Variants in KCTD16 observed in about 807,000 individuals in gnomAD.
KCTD16 encodes the protein potassium channel tetramerization domain containing 16, also known as BTB/POZ domain-containing protein KCTD16.
A neutral mutation model predicts 33.2 loss-of-function variants in KCTD16; 13 were observed. The ratio of observed to expected loss-of-function variants is 0.39; its 90% CI spans 0.25 to 0.62. The LOEUF is 0.62. KCTD16 is among the 20% of genes least tolerant of loss of function. The probability of loss-of-function intolerance (pLI) is 0.50; values close to 1 mark genes in which losing one functional copy is unlikely to be tolerated. For missense variants in KCTD16, 441 were observed against 525.1 expected, an observed-to-expected ratio of 0.84 and a Z score of 1.57; for synonymous variants, 197 against 195.3, an observed-to-expected ratio of 1.01 and a Z score of -0.07.
chr5:144,228,502 A>G (rs1363884366), intron 3 of KCTD16, among the ~76,000 whole-genome samples: 1 of 152,234 alleles, frequency 6.6e-6, no homozygotes, highest in African/African-American at 2.4e-5. Flanking sequence ...GAATCGTAGC[A>G]GAGGAACTAG....
At chr5:144,201,356 A>C (rs1021690972) in intron 2 of KCTD16, among the ~76,000 whole-genome samples, 2 of 152,190 alleles carry the variant, frequency 1.3e-5, no homozygotes, top group Admixed American at 1.3e-4. Flanking sequence ...ATGAATAATA[A>C]ATACATTTAT....
At chr5:144,225,552 T>TTGTGTGTGTGTGTGTG (rs10550980) in intron 3 of KCTD16, among the ~76,000 whole-genome samples, 1 of 138,224 alleles carries the variant, frequency 7.2e-6, no homozygotes, top group African/African-American at 2.6e-5. Flanking sequence ...CAAAAATAAA[T>TTGTGTGTGTGTGTGTG]TGTGTGTGTG....
intron 3 of KCTD16, among the ~76,000 whole-genome samples, chr5:144,316,115 T>C (rs10064022): frequency 0.08 from 12,191 of 152,168 alleles, 1,588 homozygotes; most frequent in African/African-American, 0.27. Flanking sequence ...TAAACTGGGT[T>C]GTTACAACAA....
chr5:144,210,203 TG>T (rs2126793115), intron 3 of KCTD16, among the ~76,000 whole-genome samples: 1 of 152,252 alleles, frequency 6.6e-6, no homozygotes, highest in Admixed American at 6.5e-5. Flanking sequence ...AATTTTCATG[TG>T]GACCTAGAGT....
chr5:144,288,366 TTGTGGGTTCTCCCTGTTAGA>T (rs1008072622), intron 3 of KCTD16, among the ~76,000 whole-genome samples: 2 of 152,078 alleles, frequency 1.3e-5, no homozygotes, highest in African/African-American at 4.8e-5. Context: ...CATCAACGTG[TTGTGGGTTCTCCCTGTTAGA>T]TGAGATGTGG....
At chr5:144,251,692 C>T (rs1219614874) in intron 3 of KCTD16, among the ~76,000 whole-genome samples, 4 of 152,094 alleles carry the variant, frequency 2.6e-5, no homozygotes, top group Non-Finnish European at 5.9e-5. Context: ...TGGAGGTAAC[C>T]GTAAGAATTT....
In KCTD16 at chr5:144,353,324, A is replaced by G. The variant is rs372519491; in HGVS notation, c.833-120336A>G. ...TAGACACGATTTTCCAGGTACATTTATACTATTTCTCTGATCAAGGGAGTG... is the reference window on the plus strand; with the variant it reads ...TAGACACGATTTTCCAGGTACATTTGTACTATTTCTCTGATCAAGGGAGTG... On this transcript the variant is annotated intron_variant, in intron 3 of 3. Coordinates refer to ENST00000512467, the MANE Select transcript of KCTD16 (RefSeq NM_020768.4). Among the ~76,000 whole-genome samples the G allele has an allele frequency of 1.3e-3, 199 of 152,290 alleles. 1 individual carries two copies. Among genetic ancestry groups the G allele is most frequent in the South Asian group, 1.4e-3 (7 of 4,832 alleles).
chr5:144,363,575 A>C (rs568708710), intron 3 of KCTD16, among the ~76,000 whole-genome samples: 4 of 152,116 alleles, frequency 2.6e-5, no homozygotes, highest in African/African-American at 9.6e-5. Flanking sequence ...GGATATGAAT[A>C]TGTGATAAGT....
intron 1 of KCTD16, among the ~76,000 whole-genome samples, chr5:144,171,998 C>T (rs1188252754): frequency 6.6e-6 from 1 of 152,172 alleles, no homozygotes; most frequent in Non-Finnish European, 1.5e-5. Flanking sequence ...TCATGAGCCA[C>T]TGCATTATAT....
At chr5:144,345,307 A>T (rs1752767547) in intron 3 of KCTD16, among the ~76,000 whole-genome samples, 1 of 152,010 alleles carries the variant, frequency 6.6e-6, no homozygotes, top group African/African-American at 2.4e-5. Flanking sequence ...ATACTTATGT[A>T]ACTAAGCTGC....
chr5:144,432,246 G>A (rs1243761329), intron 3 of KCTD16, among the ~76,000 whole-genome samples: 2 of 152,046 alleles, frequency 1.3e-5, no homozygotes, highest in Non-Finnish European at 2.9e-5. Context: ...ATCACTAGAA[G>A]GAAAGTAAAT....
chr5:144,289,761 C>T (rs1755843829), intron 3 of KCTD16, among the ~76,000 whole-genome samples: 1 of 151,732 alleles, frequency 6.6e-6, no homozygotes, highest in South Asian at 2.1e-4. Flanking sequence ...CCTTAAGAAC[C>T]CAATTGGCTA....
chr5:144,279,922 T>A (rs184424853), intron 3 of KCTD16, among the ~76,000 whole-genome samples: 86 of 152,348 alleles, frequency 5.6e-4, no homozygotes, highest in African/African-American at 2.0e-3. Flanking sequence ...TCTATTGATA[T>A]GATTTATATG....
intron 3 of KCTD16, among the ~76,000 whole-genome samples, chr5:144,433,180 T>C (rs2126970720): frequency 6.6e-6 from 1 of 152,168 alleles, no homozygotes; most frequent in Admixed American, 6.6e-5. Flanking sequence ...GTAAGAAAAA[T>C]GTAAATGAAT....
chr5:144,285,962 C>CTTTT (rs34103216), intron 3 of KCTD16, among the ~76,000 whole-genome samples: 3 of 117,502 alleles, frequency 2.6e-5, no homozygotes, highest in African/African-American at 9.7e-5. Context: ...CCATCCTAAT[C>CTTTT]TTTTTTTTTT....
At chr5:144,201,661 A>T (rs2126785974) in intron 2 of KCTD16, among the ~76,000 whole-genome samples, 1 of 152,326 alleles carries the variant, frequency 6.6e-6, no homozygotes, top group Middle Eastern at 3.4e-3. Context: ...GCTCAGAGAC[A>T]TGAGTCTCCT....
intron 3 of KCTD16, among the ~76,000 whole-genome samples, chr5:144,237,832 A>C (rs1007262463): frequency 6.6e-6 from 1 of 152,152 alleles, no homozygotes; most frequent in Non-Finnish European, 1.5e-5. Flanking sequence ...CACTAAGTTC[A>C]GAGATGAGAA....
At chr5:144,303,086 C>A (rs1751488539) in intron 3 of KCTD16, among the ~76,000 whole-genome samples, 1 of 152,186 alleles carries the variant, frequency 6.6e-6, no homozygotes, top group South Asian at 2.1e-4. Context: ...ATTATTAGAG[C>A]GTTAGTGCCT....
intron 3 of KCTD16, among the ~76,000 whole-genome samples, chr5:144,467,807 G>A (rs137987564): frequency 1.4e-4 from 21 of 152,272 alleles, no homozygotes; most frequent in Admixed American, 3.3e-4. Flanking sequence ...CTCGCAGGGA[G>A]TGTCCTGGTT....
Sources: allele counts gnomAD v4.1 joint callset (sites outside exome capture counted in the v4.1 genomes callset), GRCh38; gene constraint gnomAD v4.1.1; transcripts MANE v1.5; gene names NCBI Gene and HGNC (gene_info 2026-07-23, HGNC 2026-07-21).